Variants in INSRR observed in about 807,000 individuals in gnomAD.
INSRR encodes insulin receptor related receptor.
Under a neutral mutation model 130.0 loss-of-function variants are expected in INSRR, and 114 were observed. The ratio of observed to expected loss-of-function variants is 0.88; its 90% CI spans 0.75 to 1.02. The LOEUF (loss-of-function observed/expected upper bound fraction) is 1.02. Ranked by LOEUF, INSRR falls within the 50% of genes least tolerant of loss-of-function variation. The pLI, the probability that INSRR is intolerant of heterozygous loss-of-function variation, is 0.00. For missense variants in INSRR, 1,657 were observed against 1,735.2 expected, an observed-to-expected ratio of 0.95 and a Z score of 0.80; for synonymous variants, 674 against 705.2, an observed-to-expected ratio of 0.96 and a Z score of 0.70.
Position 156,845,063 on chromosome 1 carries a change from G to A in INSRR, c.2437+13C>T. ...GGTGATGGGGGTAGAAGGTGTGTGT[G>A]TGGATCACCTACTGTGGGGCATGGT... On this transcript the variant is annotated intron_variant, in intron 12 of 21. Transcript: ENST00000368195. 6.3e-7 allele frequency: 1 copy of A among 1,597,638 alleles called. No homozygotes were observed. Among genetic ancestry groups the A allele is most frequent in the Non-Finnish European group, 8.5e-7 (1 of 1,172,860 alleles).
chr1:156,851,053 T>C (rs556858690), intron 5 of INSRR: 4 of 569,062 alleles, frequency 7.0e-6, no homozygotes, highest in East Asian at 6.3e-5. Flanking sequence ...CATTGTTTTA[T>C]GTGCTTTACA....
Position 156,845,414 on chromosome 1 carries a change from C to A in INSRR, c.2175-1G>T, listed in dbSNP as rs941527979. Reference sequence around the variant, plus strand: ...GATGGACGTCACCTTCCAAGGGGATCTGGGGAGGCCAGGAGTAGCCCTATC... The same window carrying A: ...GATGGACGTCACCTTCCAAGGGGATATGGGGAGGCCAGGAGTAGCCCTATC... On this transcript the variant is annotated splice_acceptor_variant, in intron 10 of 21. Coordinates refer to ENST00000368195, the MANE Select transcript of INSRR (RefSeq NM_014215.3). LOFTEE classifies it high-confidence loss of function. 1.9e-6 allele frequency: 3 copies of A among 1,552,462 alleles called. No individual in the cohort carries two copies. Among genetic ancestry groups the A allele is most frequent in the Non-Finnish European group, 1.7e-6 (2 of 1,148,136 alleles).
chr1:156,845,234 A>G lies in INSRR; in HGVS notation c.2279T>C (p.Phe760Ser). ...PLRLGGNSSD[F>S]EIQEDKVPRE... is the part of the protein sequence containing the mutation. ...GGGCACCTTGTCCTCCTGGATCTCG[A>G]AATCCGAGCTGTTGCCCCCCAGCCG... The change falls in exon 12 of 22, where the codon TTC becomes TCC. Residue 760 changes from phenylalanine (F) to serine (S), a missense_variant. Coordinates refer to ENST00000368195, the MANE Select transcript of INSRR (RefSeq NM_014215.3). The G allele has an allele frequency of 6.2e-7, 1 of 1,610,594 alleles. No individual in the cohort carries two copies. Among genetic ancestry groups the G allele is most frequent in the Non-Finnish European group, 8.5e-7 (1 of 1,178,654 alleles).
chr1:156,841,632 T>A, intron 20 of INSRR, 33 bp downstream of exon 20: 1 of 1,610,806 alleles, frequency 6.2e-7, no homozygotes, highest in Non-Finnish European at 8.5e-7. Context: ...CGCCTCCACA[T>A]CCCTGGAGCC....
Position 156,844,833 on chromosome 1 carries a change from A to G in INSRR, c.2448T>C (p.Asp816=). 1 of 1,614,034 alleles carries G rather than the reference A, an allele frequency of 6.2e-7. No homozygotes were observed. The highest frequency in any genetic ancestry group is 1.1e-5 in the South Asian group (1 of 91,078). ...FARTMPHREA[D]GIPGKVAWEA... is the part of the protein sequence containing the mutation. ...CCCAGGCCACCTTTCCTGGAATACC[A>G]TCAGCCTCTCCTGCGGGAAGGGGCA... The change falls in exon 13 of 22, where the codon GAT becomes GAC. Residue 816 remains aspartate, a synonymous_variant. Transcript: ENST00000368195.
intron 5 of INSRR, among the ~76,000 whole-genome samples, chr1:156,850,480 A>G (rs1385662275): frequency 5.3e-5 from 8 of 149,758 alleles, no homozygotes; most frequent in African/African-American, 2.0e-4. Flanking sequence ...CCCAAAGTGC[A>G]GAGATTACAG....
chr1:156,844,057 A>C (rs982436426), intron 15 of INSRR, 118 bp downstream of exon 15: 2 of 710,974 alleles, frequency 2.8e-6, no homozygotes, highest in Non-Finnish European at 4.8e-6. Context: ...GCAGGGGAAG[A>C]GTTACTGCCT....
At position 156,841,308 on chromosome 1, in the gene INSRR, G is replaced by C. The variant is rs978503034; in HGVS notation, c.3662+86C>G. On this transcript the variant is annotated intron_variant, in intron 21 of 21. Transcript: ENST00000368195. The stretch of plus-strand genomic sequence containing the variant: ...AGGGTCAGTGGATGTCAAAGCATCA[G>C]AGGAGGTGAGCCAGAATCATGGGGC... 6 of 1,314,472 alleles carry C rather than the reference G, an allele frequency of 4.6e-6. 1 individual carries two copies. In the East Asian group the frequency reaches 1.4e-4, roughly 30 times the overall value. 81.4% of individuals were successfully genotyped at this position (1,314,472 alleles called of 1,614,324 possible).
rs182276489 is a variant in INSRR at position 156,855,755 on chromosome 1, G to A, written c.86-1452C>T. On this transcript the variant is annotated intron_variant, in intron 1 of 21. Coordinates refer to ENST00000368195, the MANE Select transcript of INSRR (RefSeq NM_014215.3). ...TGGGAGGATCGCTTGAGCCCAGAAG[G>A]TCAAGGCTGCAGTGAGCCGTGATCA... Among the ~76,000 whole-genome samples the A allele has an allele frequency of 1.2e-4, 18 of 152,176 alleles. 1 individual carries two copies. Among genetic ancestry groups the A allele is most frequent in the African/African-American group, 4.3e-4 (18 of 41,516 alleles).
chr1:156,849,179 C>G, intron 6 of INSRR, 67 bp downstream of exon 6: 1 of 1,603,142 alleles, frequency 6.2e-7, no homozygotes, highest in Non-Finnish European at 8.5e-7. Context: ...CGAGCTTTCT[C>G]CCTCCCCCGG....
intron 5 of INSRR, chr1:156,851,079 A>C: frequency 1.6e-6 from 1 of 642,166 alleles, no homozygotes; most frequent in East Asian, 2.7e-5. Context: ...CAACTTGAGT[A>C]ATATTCAAAA....
chr1:156,845,212 C>A lies in INSRR; in HGVS notation c.2301G>T (p.Val767=). The part of the protein sequence containing the change: ...SSDFEIQEDK[V]PRERAVLSGL... Reference sequence around the variant, plus strand: ...CGCTCAGCACCGCTCGCTCACGGGGCACCTTGTCCTCCTGGATCTCGAAAT... The same window carrying A: ...CGCTCAGCACCGCTCGCTCACGGGGAACCTTGTCCTCCTGGATCTCGAAAT... The change falls in exon 12 of 22, where the codon GTG becomes GTT. Residue 767 remains valine, a synonymous_variant. Transcript: ENST00000368195. 2 of 1,609,644 alleles carry A rather than the reference C, an allele frequency of 1.2e-6. No homozygotes were observed. The highest frequency in any genetic ancestry group is 8.5e-7 in the Non-Finnish European group (1 of 1,178,262).
Position 156,846,016 on chromosome 1 carries a change from G to T in INSRR, c.1914C>A (p.Tyr638Ter), listed in dbSNP as rs1654994546. 1.2e-6 allele frequency: 2 copies of T among 1,614,136 alleles called. No individual in the cohort carries two copies. Among genetic ancestry groups the T allele is most frequent in the Non-Finnish European group, 1.7e-6 (2 of 1,180,012 alleles). The change falls in exon 9 of 22, where the codon TAC becomes TAA. Residue 638 changes from tyrosine (Y) to a stop codon, truncating the protein, a stop_gained. Transcript: ENST00000368195. LOFTEE classifies it high-confidence loss of function. ...CTGCCAGCCGCTGCCACAGCACCAGGTAGTAGGTGAGGTTCCCATTGCGCT... is the reference window on the plus strand; with the variant it reads ...CTGCCAGCCGCTGCCACAGCACCAGTTAGTAGGTGAGGTTCCCATTGCGCT... Reference protein sequence around the residue: ...PTQRNGNLTYYLVLWQRLAED... With the variant: ...PTQRNGNLTY
At chr1:156,841,189 G>A in intron 21 of INSRR, 85 bp from the exon 22 acceptor site, 2 of 1,148,592 alleles carry the variant, frequency 1.7e-6, no homozygotes, top group Non-Finnish European at 2.5e-6. Context: ...CAGTTGGTGG[G>A]AGTGGGGATC....
At chr1:156,841,953 C>G (rs1298238168) in intron 19 of INSRR, 159 bp from the exon 20 acceptor site, 11 of 1,547,842 alleles carry the variant, frequency 7.1e-6, no homozygotes, top group Non-Finnish European at 9.8e-6. Context: ...CCCATCCAAA[C>G]CCCTCTGCCC....
At chr1:156,847,549 G>A (rs1324505300) in intron 7 of INSRR, among the ~76,000 whole-genome samples, 1 of 152,200 alleles carries the variant, frequency 6.6e-6, no homozygotes, top group African/African-American at 2.4e-5. Context: ...TGGAATTCAT[G>A]CTGAGCCAGG....
chr1:156,841,200 G>A (rs1654767118), intron 21 of INSRR, 96 bp from the exon 22 acceptor site: 14 of 1,076,954 alleles, frequency 1.3e-5, no homozygotes, highest in Admixed American at 4.1e-5. Flanking sequence ...AGTGGGGATC[G>A]TGGGCCATTA....
Position 156,843,173 on chromosome 1 carries a change from C to T in INSRR, c.2957G>A (p.Gly986Asp). 3.1e-6 allele frequency: 5 copies of T among 1,614,118 alleles called. No individual in the cohort carries two copies. The highest frequency in any genetic ancestry group is 2.7e-5 in the African/African-American group (2 of 75,032). The stretch of plus-strand genomic sequence containing the variant: ...ATATACCATCCCAAAAGAGCCCTGG[C>T]CCAGTTCCCGGATTATCGAGATCTG... ...REQISIIREL[G>D]QGSFGMVYEG... Residue 986 changes from glycine to aspartate, a missense_variant, in exon 17 of 22, where the codon GGC (glycine) becomes GAC (aspartate). Coordinates refer to ENST00000368195, the MANE Select transcript of INSRR (RefSeq NM_014215.3).
At chr1:156,846,154 G>A in intron 8 of INSRR, 35 bp from the exon 9 acceptor site, 2 of 1,543,280 alleles carry the variant, frequency 1.3e-6, no homozygotes. Flanking sequence ...TCAGGGGTGT[G>A]GGTCTTCCTC....
Sources: allele counts gnomAD v4.1 joint callset (sites outside exome capture counted in the v4.1 genomes callset), GRCh38; gene constraint gnomAD v4.1.1; transcripts MANE v1.5; gene names NCBI Gene and HGNC (gene_info 2026-07-23, HGNC 2026-07-21).